Variants in ZNF407 observed in about 807,000 individuals in gnomAD.
ZNF407 encodes the protein zinc finger protein 407.
A neutral mutation model predicts 131.2 loss-of-function variants in ZNF407; 17 were observed. That is an observed-to-expected ratio of 0.13 (90% CI 0.09 to 0.19). ZNF407 has a LOEUF of 0.19. ZNF407 is among the 10% of genes least tolerant of loss of function. The pLI is 1.00. For missense variants in ZNF407, 2,681 were observed against 2,830.6 expected, an observed-to-expected ratio of 0.95 and a Z score of 1.20; for synonymous variants, 1,156 against 1,062.0, an observed-to-expected ratio of 1.09 and a Z score of -1.72.
chr18:74,914,142 G>C (rs750619515), intron 7 of ZNF407, among the ~76,000 whole-genome samples: 4 of 152,218 alleles, frequency 2.6e-5, no homozygotes, highest in African/African-American at 7.2e-5. Flanking sequence ...CAGGAATCCT[G>C]GTGAGGAGTG....
intron 4 of ZNF407, among the ~76,000 whole-genome samples, chr18:74,835,194 C>CGCTTATA (rs1370120857): frequency 5.9e-5 from 9 of 152,184 alleles, no homozygotes; most frequent in Non-Finnish European, 1.0e-4. Context: ...CTCAAACCCA[C>CGCTTATA]GCTTATAGCT....
intron 7 of ZNF407, among the ~76,000 whole-genome samples, chr18:74,919,042 G>A (rs1971811023): frequency 1.3e-5 from 2 of 152,156 alleles, no homozygotes; most frequent in South Asian, 4.1e-4. Flanking sequence ...TGAGGAACAC[G>A]TTTGCGTTTC....
intron 1 of ZNF407, among the ~76,000 whole-genome samples, chr18:74,628,626 C>T (rs1385515237): frequency 6.6e-6 from 1 of 152,100 alleles, no homozygotes; most frequent in Non-Finnish European, 1.5e-5. Flanking sequence ...GTCTCTGTCT[C>T]CCAGGCTGGA....
At chr18:74,815,204 T>C (rs753904850) in intron 4 of ZNF407, among the ~76,000 whole-genome samples, 3 of 152,154 alleles carry the variant, frequency 2.0e-5, no homozygotes, top group Non-Finnish European at 4.4e-5. Flanking sequence ...TATGCTAGAA[T>C]ATGTGATTTT....
intron 3 of ZNF407, among the ~76,000 whole-genome samples, chr18:74,722,931 C>G (rs1422136397): frequency 2.0e-5 from 3 of 152,032 alleles, no homozygotes; most frequent in Non-Finnish European, 4.4e-5. Flanking sequence ...TACTTGAACT[C>G]TTTAATTAGT....
intron 8 of ZNF407, among the ~76,000 whole-genome samples, chr18:74,954,788 C>G (rs1972256843): frequency 6.6e-6 from 1 of 152,142 alleles, no homozygotes; most frequent in Admixed American, 6.5e-5. Flanking sequence ...ATTCCAGCCA[C>G]CAGTGAACTT....
At chr18:75,033,986 G>A (rs969186374) in intron 8 of ZNF407, among the ~76,000 whole-genome samples, 4 of 152,130 alleles carry the variant, frequency 2.6e-5, no homozygotes, top group African/African-American at 9.7e-5. Context: ...GTGATAAGAT[G>A]GCAAGAGCTA....
At chr18:74,942,033 G>A (rs1972105182) in intron 8 of ZNF407, among the ~76,000 whole-genome samples, 1 of 152,136 alleles carries the variant, frequency 6.6e-6, no homozygotes, top group South Asian at 2.1e-4. Context: ...AGATCGCTGT[G>A]GTGTGGATCT....
At chr18:74,928,318 A>G (rs1241672206) in intron 8 of ZNF407, among the ~76,000 whole-genome samples, 1 of 152,208 alleles carries the variant, frequency 6.6e-6, no homozygotes, top group Non-Finnish European at 1.5e-5. Flanking sequence ...GCCAGCAGAA[A>G]GAAATGCTTG....
chr18:74,920,701 C>A lies in ZNF407; in HGVS notation c.5428+9C>A. ...CGCTTACCTGCATGCTGGTAAGGGA[C>A]AGAAACTGTGAAAACTTGTTTCTAA... On this transcript the variant is annotated intron_variant, in intron 8 of 8. Transcript: ENST00000299687. 6.3e-7 allele frequency: 1 copy of A among 1,587,096 alleles called. No homozygotes were observed. The highest frequency in any genetic ancestry group is 8.6e-7 in the Non-Finnish European group (1 of 1,159,278).
At chr18:74,628,856 A>G (rs1983920459) in intron 1 of ZNF407, among the ~76,000 whole-genome samples, 2 of 152,306 alleles carry the variant, frequency 1.3e-5, no homozygotes, top group East Asian at 3.9e-4. Flanking sequence ...TTGGGATTGT[A>G]GGCATGAGCT....
chr18:74,914,939 A>G (rs1971726358), intron 7 of ZNF407, among the ~76,000 whole-genome samples: 1 of 152,204 alleles, frequency 6.6e-6, no homozygotes, highest in Admixed American at 6.5e-5. Flanking sequence ...TTCCTAGTTC[A>G]TTACAGATGG....
At chr18:74,719,827 T>C (rs989193852) in intron 3 of ZNF407, among the ~76,000 whole-genome samples, 1 of 152,236 alleles carries the variant, frequency 6.6e-6, no homozygotes, top group Admixed American at 6.5e-5. Context: ...TTGCTGAGAA[T>C]AGCAGGATTT....
intron 3 of ZNF407, among the ~76,000 whole-genome samples, chr18:74,689,230 AT>A (rs1967165572): frequency 6.6e-6 from 1 of 152,286 alleles, no homozygotes; most frequent in South Asian, 2.1e-4. Flanking sequence ...AAGTGGAAGT[AT>A]TTTATTTTTC....
At chr18:74,776,331 C>G (rs1969470749) in intron 3 of ZNF407, among the ~76,000 whole-genome samples, 1 of 152,162 alleles carries the variant, frequency 6.6e-6, no homozygotes, top group Non-Finnish European at 1.5e-5. Context: ...TATAACTTAT[C>G]CAGTCTCAGG....
In ZNF407 at chr18:74,910,903, T is replaced by TCCCTTTCCCACCTCCCGTCC. The variant is rs1397420123; in HGVS notation, c.5250-9606_5250-9587dup. On this transcript the variant is annotated intron_variant, in intron 7 of 8. Coordinates refer to ENST00000299687, the MANE Select transcript of ZNF407 (RefSeq NM_017757.3). Reference sequence around the variant, plus strand: ...AGGTGTTCTCTGACTCCTTCCCGTATCCCTTTCCCACCTCCCGTCCCCCTG... The same window carrying TCCCTTTCCCACCTCCCGTCC: ...AGGTGTTCTCTGACTCCTTCCCGTATCCCTTTCCCACCTCCCGTCCCCCTTTCCCACCTCCCGTCCCCCTG... 8.5e-5 allele frequency among the ~76,000 whole-genome samples: 13 copies of TCCCTTTCCCACCTCCCGTCC among 152,254 alleles called. No individual in the cohort carries two copies. In the East Asian group the frequency reaches 1.4e-3, roughly 16 times the overall value.
chr18:74,776,775 C>T (rs1198471897), intron 3 of ZNF407, among the ~76,000 whole-genome samples: 1 of 152,054 alleles, frequency 6.6e-6, no homozygotes, highest in Non-Finnish European at 1.5e-5. Flanking sequence ...TAACATGAAC[C>T]GCAGATGAAC....
At position 75,032,083 on chromosome 18, in the gene ZNF407, G is replaced by A. The variant is rs147467828; in HGVS notation, c.5429-31067G>A. 4.6e-5 allele frequency among the ~76,000 whole-genome samples: 7 copies of A among 152,274 alleles called. No homozygotes were observed. In the East Asian group the frequency reaches 1.2e-3, roughly 25 times the overall value. ...AGCCAGAATAGAAGTAGAGACCAGC[G>A]GAATCACACTCTAAACGCCTGGACC... is the stretch of plus-strand genomic sequence containing the variant. On this transcript the variant is annotated intron_variant, in intron 8 of 8. Transcript: ENST00000299687.
chr18:74,736,738 C>T (rs192830133), intron 3 of ZNF407, among the ~76,000 whole-genome samples: 22 of 152,174 alleles, frequency 1.4e-4, no homozygotes, highest in African/African-American at 4.6e-4. Flanking sequence ...GAAATAAAAA[C>T]GAGAATAAAT....
Sources: allele counts gnomAD v4.1 joint callset (sites outside exome capture counted in the v4.1 genomes callset), GRCh38; gene constraint gnomAD v4.1.1; transcripts MANE v1.5; gene names NCBI Gene and HGNC (gene_info 2026-07-23, HGNC 2026-07-21).